USP26: variants seen among roughly 807,000 people sequenced by gnomAD.
USP26 encodes the protein ubiquitin specific peptidase 26.
For missense variants in USP26, 649 were observed against 642.3 expected (o/e 1.01, Z -0.11); for synonymous variants, 236 against 240.6 (o/e 0.98, Z 0.18).
chrX:133,043,609 A>G (rs746827673), intron 5 of USP26, among the ~76,000 whole-genome samples: 19 of 112,618 alleles, frequency 1.7e-4, no homozygotes, highest in Non-Finnish European at 3.2e-4. Flanking sequence ...GGCTTGTCCC[A>G]TATCAAGTGC....
chrX:133,073,204 T>A (rs868509761), intron 5 of USP26, among the ~76,000 whole-genome samples: 1 of 110,079 alleles, frequency 9.1e-6, no homozygotes, highest in Non-Finnish European at 1.9e-5. Flanking sequence ...TCATTACTCA[T>A]TTCAATATAT....
intron 5 of USP26, among the ~76,000 whole-genome samples, chrX:133,034,860 C>CAA (rs11432441): frequency 4.1e-5 from 4 of 98,239 alleles, no homozygotes; most frequent in East Asian, 3.2e-4. Context: ...ATGTCTCTTA[C>CAA]AAAAAAAAAA....
chrX:133,072,890 A>G (rs1912339535), intron 5 of USP26, among the ~76,000 whole-genome samples: 1 of 112,275 alleles, frequency 8.9e-6, no homozygotes, highest in African/African-American at 3.2e-5. Flanking sequence ...AGCCAGAACA[A>G]TAGACAGCCA....
chrX:133,028,119 C>T lies in USP26; in HGVS notation c.102G>A (p.Lys34=), dbSNP rs1352736499. The T allele has an allele frequency of 8.3e-7, 1 of 1,209,912 alleles. No homozygotes were observed. Among genetic ancestry groups the T allele is most frequent in the Non-Finnish European group, 1.1e-6 (1 of 895,071 alleles). Residue 34 remains lysine (K), a synonymous_variant, in exon 6 of 6, where the codon AAG becomes AAA. Coordinates refer to ENST00000511190, the MANE Select transcript of USP26 (RefSeq NM_031907.3). ...EAFIEAVERK[K]KDRLVLYFKS... is the part of the protein sequence containing the mutation. ...TGAAATACAGCACCAGTCTATCTTT[C>T]TTCTTTCTTTCCACTGCTTCAATGA...
intron 5 of USP26, among the ~76,000 whole-genome samples, chrX:133,045,481 C>A (rs1247980791): frequency 1.8e-5 from 2 of 112,082 alleles, no homozygotes; most frequent in Non-Finnish European, 3.8e-5. Flanking sequence ...TTTGTTCTTT[C>A]ACTCTTTGCA....
chrX:133,072,484 A>G (rs752475397), intron 5 of USP26, among the ~76,000 whole-genome samples: 9 of 111,786 alleles, frequency 8.1e-5, no homozygotes, highest in African/African-American at 3.0e-4. Flanking sequence ...CAATAACACA[A>G]TGGTTAAGTA....
chrX:133,062,578 T>G (rs949093725), intron 5 of USP26, among the ~76,000 whole-genome samples: 1 of 111,747 alleles, frequency 8.9e-6, no homozygotes, highest in Non-Finnish European at 1.9e-5. Flanking sequence ...GCAGCAATCT[T>G]TGCTATTCTG....
chrX:133,062,822 C>G (rs1056648471), intron 5 of USP26, among the ~76,000 whole-genome samples: 1 of 111,311 alleles, frequency 9.0e-6, no homozygotes, highest in Non-Finnish European at 1.9e-5. Context: ...AATGCCTCAT[C>G]TCCACATGAT....
At chrX:133,039,013 C>T (rs1426300817) in intron 5 of USP26, among the ~76,000 whole-genome samples, 1 of 111,646 alleles carries the variant, frequency 9.0e-6, no homozygotes, top group Non-Finnish European at 1.9e-5. Context: ...GTGACAGCCC[C>T]TTTATCATTT....
At chrX:133,084,166 A>G (rs1344464255) in intron 4 of USP26, among the ~76,000 whole-genome samples, 1 of 110,404 alleles carries the variant, frequency 9.1e-6, no homozygotes, top group Non-Finnish European at 1.9e-5. Context: ...AGCTTCTTCT[A>G]GGCCTTGAGC....
Position 133,027,588 on chromosome X carries a change from C to T in USP26, c.633G>A (p.Ser211=), listed in dbSNP as rs752179605. ...TCTCTCGATTATAGCTTACACACCT[C>T]GAACAATCTGCCTTGGATTTCTTGT... ...VEYKKSKADC[S]RCVSYNREKQ... is the part of the protein sequence containing the mutation. Residue 211 remains serine, a synonymous_variant, in exon 6 of 6, where the codon TCG becomes TCA. Transcript: ENST00000511190. The T allele has an allele frequency of 1.1e-5, 13 of 1,208,023 alleles. No individual in the cohort carries two copies. In the South Asian group the frequency reaches 1.8e-4, roughly 16 times the overall value.
At chrX:133,054,095 C>A (rs1288558476) in intron 5 of USP26, among the ~76,000 whole-genome samples, 1 of 111,389 alleles carries the variant, frequency 9.0e-6, no homozygotes, top group Admixed American at 9.5e-5. Context: ...AGAATGTCTG[C>A]CTAATCCTGA....
intron 5 of USP26, among the ~76,000 whole-genome samples, chrX:133,044,410 A>C (rs1487512092): frequency 8.8e-6 from 1 of 113,035 alleles, no homozygotes. Context: ...GGCTGCACGC[A>C]GTGCTTGCGG....
At chrX:133,071,379 C>A (rs1470301842) in intron 5 of USP26, among the ~76,000 whole-genome samples, 1 of 110,641 alleles carries the variant, frequency 9.0e-6, no homozygotes, top group East Asian at 2.8e-4. Flanking sequence ...TTCAGTACAG[C>A]CTATAATAAC....
At chrX:133,076,400 G>T (rs757608524) in intron 5 of USP26, among the ~76,000 whole-genome samples, 1 of 110,864 alleles carries the variant, frequency 9.0e-6, no homozygotes, top group Non-Finnish European at 1.9e-5. Context: ...ACTGCTGATT[G>T]CTGGGCCTTT....
rs780407538 is a variant in USP26 at position 133,045,645 on chromosome X, T to C, written c.-76-17349A>G. Among the ~76,000 whole-genome samples the C allele has an allele frequency of 1.3e-4, 14 of 110,890 alleles. No homozygotes were observed. In the East Asian group the frequency reaches 4.0e-3, roughly 32 times the overall value. On this transcript the variant is annotated intron_variant, in intron 5 of 5. Transcript: ENST00000511190. ...TCCAGACGGGCCGCCTTATGAGCTG[T>C]AACACTCACCGTGAAGGTCTGCAGC...
chrX:133,055,677 G>A (rs1002626920), intron 5 of USP26, among the ~76,000 whole-genome samples: 1 of 111,935 alleles, frequency 8.9e-6, no homozygotes, highest in Non-Finnish European at 1.9e-5. Flanking sequence ...CAACAGAAAC[G>A]TATGTTCACA....
In USP26 at chrX:133,025,369, G is replaced by A; in HGVS notation, c.*110C>T. On this transcript the variant is annotated 3_prime_UTR_variant, in exon 6 of 6. Transcript: ENST00000511190. ...TGTTTCTGTTTGACCTTTGGTCCTA[G>A]ACTAATTGCATTTTCATCTCTGGAT... 2 of 1,141,272 alleles carry A rather than the reference G, an allele frequency of 1.8e-6. No individual in the cohort carries two copies. Among genetic ancestry groups the A allele is most frequent in the Non-Finnish European group, 2.4e-6 (2 of 849,942 alleles). 94.1% of individuals were successfully genotyped at this position (1,141,272 alleles called of 1,213,427 possible). A position where few individuals can be genotyped will look rare whatever the true frequency, so the allele number is the denominator to read the frequency against.
At chrX:133,074,449 A>G (rs2067541014) in intron 5 of USP26, among the ~76,000 whole-genome samples, 1 of 112,168 alleles carries the variant, frequency 8.9e-6, no homozygotes, top group African/African-American at 3.2e-5. Flanking sequence ...ACAGACACAC[A>G]CTGCACACAC....
Sources: gnomAD v4.1 joint callset for allele counts (sites outside exome capture counted in the v4.1 genomes callset) on GRCh38, gnomAD v4.1.1 for gene constraint, MANE v1.5 for transcripts, NCBI Gene and HGNC (gene_info 2026-07-23, HGNC 2026-07-21) for gene names.